RBFOX1: variants seen among roughly 807,000 people sequenced by gnomAD.
The protein encoded by RBFOX1 is RNA binding fox-1 homolog 1.
A neutral mutation model predicts 57.7 loss-of-function variants in RBFOX1; 8 were observed. The ratio of observed to expected loss-of-function variants is 0.14; its 90% CI spans 0.08 to 0.25. The LOEUF (loss-of-function observed/expected upper bound fraction) is 0.25. RBFOX1 is among the 10% of genes least tolerant of loss of function. The probability of loss-of-function intolerance (pLI) is 1.00; values close to 1 mark genes in which losing one functional copy is unlikely to be tolerated. For missense variants in RBFOX1, 611 were observed against 548.5 expected (o/e 1.11, Z -1.14); for synonymous variants, 326 against 222.4 (o/e 1.47, Z -4.15).
At chr16:5,422,533 G>A (rs1339926903) in intron 1 of RBFOX1, among the ~76,000 whole-genome samples, 1 of 79,412 alleles carries the variant, frequency 1.3e-5, no homozygotes, top group Non-Finnish European at 2.4e-5. Context: ...GAGGAAGGGC[G>A]CATGAGGGGG....
At chr16:6,842,697 A>G (rs1452374205) in intron 3 of RBFOX1, among the ~76,000 whole-genome samples, 3 of 147,682 alleles carry the variant, frequency 2.0e-5, no homozygotes, top group Non-Finnish European at 3.0e-5. Context: ...ATACATGTGT[A>G]GAATGTGCAG....
intron 2 of RBFOX1, among the ~76,000 whole-genome samples, chr16:6,575,970 G>T (rs934118261): frequency 6.6e-6 from 1 of 151,938 alleles, no homozygotes; most frequent in African/African-American, 2.4e-5. Flanking sequence ...GGCATGGTGC[G>T]TTACATCAAA....
intron 3 of RBFOX1, among the ~76,000 whole-genome samples, chr16:6,946,100 A>G (rs1376249589): frequency 6.6e-6 from 1 of 152,182 alleles, no homozygotes; most frequent in African/African-American, 2.4e-5. Context: ...GTAACTCAGG[A>G]TTTGCTTTAT....
Position 6,477,378 on chromosome 16 carries a change from T to G in RBFOX1, c.-64+160321T>G, listed in dbSNP as rs182307890. Among the ~76,000 whole-genome samples the G allele has an allele frequency of 3.9e-5, 6 of 152,320 alleles. No individual in the cohort carries two copies. The East Asian group carries it at 9.7e-4, about 25-fold the overall frequency. The stretch of plus-strand genomic sequence containing the variant: ...GATCCATTGGCTGCAGGAACCTATA[T>G]TGCATTAACAGGCACGAACAGAACA... On this transcript the variant is annotated intron_variant, in intron 2 of 15. Transcript: ENST00000550418.
intron 1 of RBFOX1, among the ~76,000 whole-genome samples, chr16:6,058,647 C>T (rs1234886958): frequency 6.6e-6 from 1 of 151,232 alleles, no homozygotes; most frequent in Non-Finnish European, 1.5e-5. Context: ...TCCACCCATC[C>T]ATCCACCCAT....
chr16:6,701,270 C>A (rs72636209), intron 3 of RBFOX1, among the ~76,000 whole-genome samples: 3 of 152,132 alleles, frequency 2.0e-5, no homozygotes, highest in African/African-American at 4.8e-5. Flanking sequence ...CTGCAGCTGA[C>A]GCAGGCCCTG....
At chr16:5,892,161 A>G (rs1032282283) in intron 4 of RBFOX1, among the ~76,000 whole-genome samples, 1 of 152,204 alleles carries the variant, frequency 6.6e-6, no homozygotes, top group African/African-American at 2.4e-5. Flanking sequence ...AACGGTGCAG[A>G]GAAAAGAAAA....
chr16:7,336,227 A>G (rs2096784390), intron 4 of RBFOX1, among the ~76,000 whole-genome samples: 1 of 152,210 alleles, frequency 6.6e-6, no homozygotes, highest in East Asian at 1.9e-4. Context: ...GCCAAATGAC[A>G]TAACCAAAAC....
chr16:7,020,290 G>A (rs996026534), intron 3 of RBFOX1, among the ~76,000 whole-genome samples: 1 of 152,010 alleles, frequency 6.6e-6, no homozygotes, highest in Admixed American at 6.6e-5. Context: ...CAGAGGCACA[G>A]TCTTGGCTCA....
intron 1 of RBFOX1, among the ~76,000 whole-genome samples, chr16:6,054,065 A>G (rs2095585043): frequency 6.6e-6 from 1 of 152,142 alleles, no homozygotes; most frequent in South Asian, 2.1e-4. Context: ...GAAAAAAAGA[A>G]ATTAAATTTA....
At chr16:7,509,735 C>G (rs1189292259) in intron 4 of RBFOX1, among the ~76,000 whole-genome samples, 1 of 137,088 alleles carries the variant, frequency 7.3e-6, no homozygotes, top group African/African-American at 2.5e-5. Context: ...CTATTGCTAT[C>G]TCTCTATCTC....
intron 4 of RBFOX1, among the ~76,000 whole-genome samples, chr16:7,488,908 C>T (rs753109005): frequency 1.2e-4 from 18 of 152,180 alleles, no homozygotes; most frequent in Admixed American, 4.6e-4. Flanking sequence ...TTTGTCTATA[C>T]GTTCATCAAT....
intron 4 of RBFOX1, among the ~76,000 whole-genome samples, chr16:7,415,514 G>T (rs1473948242): frequency 1.3e-5 from 2 of 152,122 alleles, no homozygotes; most frequent in Admixed American, 1.3e-4. Flanking sequence ...ATAAGCACAG[G>T]CCCTGGCATC....
chr16:7,450,740 G>T (rs1221988092), intron 4 of RBFOX1, among the ~76,000 whole-genome samples: 1 of 152,156 alleles, frequency 6.6e-6, no homozygotes, highest in Admixed American at 6.5e-5. Context: ...TAGGTCTTCA[G>T]GTTGCTGAGT....
chr16:5,365,825 C>T (rs1402646575), intron 1 of RBFOX1: 9 of 516,792 alleles, frequency 1.7e-5, no homozygotes, highest in Non-Finnish European at 2.7e-5. Context: ...TGGACATGAG[C>T]CCCCTGAGGC....
At chr16:7,602,697 G>A (rs1338541561) in intron 9 of RBFOX1, among the ~76,000 whole-genome samples, 4 of 152,214 alleles carry the variant, frequency 2.6e-5, no homozygotes, top group Admixed American at 1.3e-4. Flanking sequence ...AAGTCTGAGT[G>A]GAGGCGATTT....
chr16:6,184,018 C>A (rs116716363), intron 1 of RBFOX1, among the ~76,000 whole-genome samples: 1 of 152,074 alleles, frequency 6.6e-6, no homozygotes, highest in African/African-American at 2.4e-5. Flanking sequence ...CTGGGGAGAC[C>A]GCACAATCGT....
At position 5,249,575 on chromosome 16, in the gene RBFOX1, T is replaced by A. The variant is rs184236167; in HGVS notation, c.219+9470T>A. ...CCTTTCCTGCCTTGGACTCTTGGAA[T>A]TGGGCCAGCTGAGAGGGTCTATGTG... On this transcript the variant is annotated intron_variant, in intron 1 of 2. Transcript: ENST00000585867. 2.2e-3 allele frequency among the ~76,000 whole-genome samples: 335 copies of A among 152,342 alleles called. 2 individuals are homozygous for A. The highest frequency in any genetic ancestry group is 7.7e-3 in the African/African-American group (320 of 41,584).
At chr16:5,812,122 G>T (rs926190028) in intron 3 of RBFOX1, among the ~76,000 whole-genome samples, 5 of 152,114 alleles carry the variant, frequency 3.3e-5, no homozygotes, top group Admixed American at 1.3e-4. Context: ...AACAGTGTTT[G>T]GTTCTTTTTG....
Sources: allele counts gnomAD v4.1 joint callset (sites outside exome capture counted in the v4.1 genomes callset), GRCh38; gene constraint gnomAD v4.1.1; transcripts MANE v1.5; gene names NCBI Gene and HGNC (gene_info 2026-07-23, HGNC 2026-07-21).